Variants in IL22RA1 observed in about 807,000 individuals in gnomAD.
The protein encoded by IL22RA1 is interleukin-22 receptor subunit alpha-1.
Under a neutral mutation model 32.8 loss-of-function variants are expected in IL22RA1, and 25 were observed. That is an observed-to-expected ratio of 0.76 (90% CI 0.55 to 1.06). The LOEUF (loss-of-function observed/expected upper bound fraction) is 1.06. IL22RA1 is among the 50% of genes least tolerant of loss of function. The pLI, the probability that IL22RA1 is intolerant of heterozygous loss-of-function variation, is 0.00. For synonymous variants in IL22RA1, 305 were observed against 305.0 expected (o/e 1.00, Z 0.00); for missense variants, 709 against 727.4 (o/e 0.97, Z 0.29).
chr1:24,134,240 C>G lies in IL22RA1; in HGVS notation c.502G>C (p.Glu168Gln), dbSNP rs1644226279. ...TGGTAGGTGCGGTTGACCTGGAGCT[C>G]TAAGTGGTAGAACAGGTCATGGAAG... The part of the protein sequence containing the change: ...DIFHDLFYHL[E>Q]LQVNRTYQMH... Residue 168 changes from glutamate to glutamine, a missense_variant, in exon 4 of 7, where the codon GAG (glutamate) becomes CAG (glutamine). By Grantham distance (29) the Glu-to-Gln change is conservative. Coordinates refer to ENST00000270800, the MANE Select transcript of IL22RA1 (RefSeq NM_021258.4). The G allele has an allele frequency of 3.7e-6, 6 of 1,611,716 alleles. No homozygotes were observed. Among genetic ancestry groups the G allele is most frequent in the Non-Finnish European group, 5.1e-6 (6 of 1,178,978 alleles).
chr1:24,138,560 T>G (rs1569582416), intron 2 of IL22RA1, 22 bp downstream of exon 2: 1 of 1,612,768 alleles, frequency 6.2e-7, no homozygotes, highest in Non-Finnish European at 8.5e-7. Context: ...TCAAAGGAGG[T>G]GGGGTCAAGA....
At chr1:24,132,568 G>T (rs191855288) in intron 4 of IL22RA1, among the ~76,000 whole-genome samples, 3 of 151,786 alleles carry the variant, frequency 2.0e-5, no homozygotes, top group African/African-American at 7.3e-5. Context: ...TCCTGACCTC[G>T]TGATCCGCCC....
Position 24,123,422 on chromosome 1 carries a change from G to A in IL22RA1, c.672C>T (p.Asp224=), listed in dbSNP as rs748244684. The change falls in exon 6 of 7, where the codon GAC becomes GAT. Residue 224 remains aspartate (D), a splice_region_variant and synonymous_variant. Coordinates refer to ENST00000270800, the MANE Select transcript of IL22RA1 (RefSeq NM_021258.4). The stretch of plus-strand genomic sequence containing the variant: ...CGGAGAAGGAGTAGGTCCATGTCCG[G>A]TCTGGGAAACCAAAGGGGCCAGAGA... ...PYMCRVKTLP[D]RTWTYSFSGA... The A allele has an allele frequency of 2.2e-5, 35 of 1,613,024 alleles. No homozygotes were observed. The Admixed American group carries it at 4.7e-4, about 22-fold the overall frequency.
chr1:24,125,164 G>A (rs1644152499), intron 5 of IL22RA1, among the ~76,000 whole-genome samples: 1 of 152,194 alleles, frequency 6.6e-6, no homozygotes, highest in African/African-American at 2.4e-5. Flanking sequence ...GTATGATCAT[G>A]TAGAGCTGGG....
At position 24,120,907 on chromosome 1, in the gene IL22RA1, A is replaced by G; in HGVS notation, c.1623T>C (p.Asp541=). The G allele has an allele frequency of 6.2e-7, 1 of 1,614,178 alleles. No homozygotes were observed. Among genetic ancestry groups the G allele is most frequent in the Non-Finnish European group, 8.5e-7 (1 of 1,180,016 alleles). The change falls in exon 7 of 7, where the codon GAT becomes GAC. Residue 541 remains aspartate, a synonymous_variant. Coordinates refer to ENST00000270800, the MANE Select transcript of IL22RA1 (RefSeq NM_021258.4). ...TCTCAGGGGCTGGGCTCTTGGCTTC[A>G]TCCTTGGGACACACAAGGGACTCCA... ...GLLESLVCPK[D]EAKSPAPETS...
intron 4 of IL22RA1, among the ~76,000 whole-genome samples, chr1:24,129,343 G>C (rs1284538102): frequency 6.6e-6 from 1 of 152,232 alleles, no homozygotes; most frequent in African/African-American, 2.4e-5. Flanking sequence ...CTCAGGAAGA[G>C]CTGTAGAGTT....
chr1:24,132,433 G>A (rs1209386828), intron 4 of IL22RA1, among the ~76,000 whole-genome samples: 1 of 150,400 alleles, frequency 6.6e-6, no homozygotes, highest in Admixed American at 6.6e-5. Flanking sequence ...CCGGGTTCAC[G>A]CCATTCTTCT....
chr1:24,142,966 G>C, intron 1 of IL22RA1, 74 bp downstream of exon 1: 1 of 1,402,418 alleles, frequency 7.1e-7, no homozygotes, highest in Non-Finnish European at 1.0e-6. Context: ...GCTGGGGAGG[G>C]TGCTGGGGAG....
chr1:24,120,762 T>A lies in IL22RA1; in HGVS notation c.*43A>T, dbSNP rs1248210771. The stretch of plus-strand genomic sequence containing the variant: ...GGATTGACAGCCAAGGATGTGACAC[T>A]GGGTAGGGACAGGGAGGAAGCACCA... On this transcript the variant is annotated 3_prime_UTR_variant, in exon 7 of 7. Transcript: ENST00000270800. The A allele has an allele frequency of 6.6e-7, 1 of 1,514,318 alleles. No individual in the cohort carries two copies. Among genetic ancestry groups the A allele is most frequent in the Non-Finnish European group, 8.9e-7 (1 of 1,122,390 alleles). The allele number at this position is 1,514,318 out of a possible 1,614,324, so 93.8% of individuals were successfully genotyped here.
At chr1:24,138,196 A>C (rs1481667510) in intron 2 of IL22RA1, among the ~76,000 whole-genome samples, 1 of 152,118 alleles carries the variant, frequency 6.6e-6, no homozygotes, top group Non-Finnish European at 1.5e-5. Flanking sequence ...ATAATAAAAC[A>C]ATTATTGGTA....
intron 2 of IL22RA1, among the ~76,000 whole-genome samples, chr1:24,138,202 T>C (rs1644255642): frequency 6.6e-6 from 1 of 152,138 alleles, no homozygotes; most frequent in African/African-American, 2.4e-5. Flanking sequence ...AAACAATTAT[T>C]GGTAGCTTAT....
chr1:24,134,283 C>A lies in IL22RA1; in HGVS notation c.459G>T (p.Arg153=). ...CATGGAAGATGTCTTCCAGGGTTAG[C>A]CGGTGGCCATCGCCTGCACGGATTG... is the stretch of plus-strand genomic sequence containing the variant. ...PTPIRAGDGH[R]LTLEDIFHDL... is the part of the protein sequence containing the mutation. Residue 153 remains arginine, a synonymous_variant, in exon 4 of 7, where the codon CGG becomes CGT. Coordinates refer to ENST00000270800, the MANE Select transcript of IL22RA1 (RefSeq NM_021258.4). The A allele has an allele frequency of 6.2e-7, 1 of 1,610,394 alleles. No homozygotes were observed. Among genetic ancestry groups the A allele is most frequent in the Non-Finnish European group, 8.5e-7 (1 of 1,178,146 alleles).
rs189353369 is a variant in IL22RA1, at chr1:24,128,558, G to C, written c.532-279C>G. The stretch of plus-strand genomic sequence containing the variant: ...ATATATATATATATATAAAATGTGT[G>C]GTTATACACACATAATGGCAGCTGT... On this transcript the variant is annotated intron_variant, in intron 4 of 6. Coordinates refer to ENST00000270800, the MANE Select transcript of IL22RA1 (RefSeq NM_021258.4). Among the ~76,000 whole-genome samples the C allele has an allele frequency of 8.9e-3, 1,342 of 150,454 alleles. 8 individuals are homozygous for C. The highest frequency in any genetic ancestry group is 0.015 in the Non-Finnish European group (1,036 of 67,758).
At chr1:24,135,486 A>C (rs1369546821) in intron 3 of IL22RA1, among the ~76,000 whole-genome samples, 1 of 152,240 alleles carries the variant, frequency 6.6e-6, no homozygotes, top group Non-Finnish European at 1.5e-5. Context: ...GTGTGACTAT[A>C]AAGTCAGTTG....
At chr1:24,128,449 T>C (rs1171360224) in intron 4 of IL22RA1, among the ~76,000 whole-genome samples, 170 bp from the exon 5 acceptor site, 3 of 152,012 alleles carry the variant, frequency 2.0e-5, no homozygotes, top group African/African-American at 7.2e-5. Flanking sequence ...CCAATCAGTC[T>C]CCAAGCACGT....
rs1239012259 is a variant in IL22RA1 at position 24,143,101 on chromosome 1, C to G, written c.-19G>C. 6.2e-7 allele frequency: 1 copy of G among 1,609,862 alleles called. No homozygotes were observed. ...TCCTCATCGGGGCTGGCACAGAGCC[C>G]TCCCTTGGCCTCTACTCTGCCGTGC... On this transcript the variant is annotated 5_prime_UTR_variant, in exon 1 of 7. Coordinates refer to ENST00000270800, the MANE Select transcript of IL22RA1 (RefSeq NM_021258.4).
chr1:24,128,318 C>T (rs754069658), intron 4 of IL22RA1, 39 bp from the exon 5 acceptor site: 4 of 1,612,150 alleles, frequency 2.5e-6, no homozygotes, highest in Non-Finnish European at 3.4e-6. Flanking sequence ...TCCTGTTACA[C>T]ACCGATCTCC....
chr1:24,121,006 G>C lies in IL22RA1; in HGVS notation c.1524C>G (p.Pro508=). The part of the protein sequence containing the change: ...LLSSVQIEGH[P]MSLPLQPPSR... ...AAGGAGGTTGCAAAGGGAGGGACAT[G>C]GGGTGGCCCTCGATCTGGACTGAGG... The change falls in exon 7 of 7, where the codon CCC becomes CCG. Residue 508 remains proline, a synonymous_variant. Transcript: ENST00000270800. 9.9e-6 allele frequency: 16 copies of C among 1,614,084 alleles called. No individual in the cohort carries two copies. Among genetic ancestry groups the C allele is most frequent in the Non-Finnish European group, 1.4e-5 (16 of 1,179,930 alleles).
rs1270273016 is a variant in IL22RA1 at position 24,121,533 on chromosome 1, A to T, written c.997T>A (p.Ser333Thr). 1 of 1,595,736 alleles carries T rather than the reference A, an allele frequency of 6.3e-7. No individual in the cohort carries two copies. The highest frequency in any genetic ancestry group is 1.7e-5 in the Admixed American group (1 of 58,964). Residue 333 changes from serine to threonine, a missense_variant, in exon 7 of 7, where the codon TCC (serine) becomes ACC (threonine). Physicochemically the swap from Ser to Thr is moderately conservative, Grantham distance 58. Transcript: ENST00000270800. The part of the protein sequence containing the change: ...EITYLGQPDI[S>T]ILQPSNVPPP... ...GGCACGTTGGAGGGCTGGAGGATGGAGATGTCTGGCTGCCCTAAGTAGGTG... is the reference window on the plus strand; with the variant it reads ...GGCACGTTGGAGGGCTGGAGGATGGTGATGTCTGGCTGCCCTAAGTAGGTG...
Sources: allele counts gnomAD v4.1 joint callset (sites outside exome capture counted in the v4.1 genomes callset), GRCh38; gene constraint gnomAD v4.1.1; transcripts MANE v1.5; gene names NCBI Gene and HGNC (gene_info 2026-07-23, HGNC 2026-07-21).